L1CAM: variants seen among roughly 807,000 people sequenced by gnomAD.
L1CAM encodes L1 cell adhesion molecule.
L1CAM carries 8 observed loss-of-function variants against 93.0 expected under a neutral mutation model. The ratio of observed to expected loss-of-function variants is 0.09; its 90% CI spans 0.05 to 0.16. The LOEUF (loss-of-function observed/expected upper bound fraction) is 0.16. Among genes scored for constraint, L1CAM ranks in the 10% least tolerant of loss-of-function variants. The pLI is 1.00. For missense variants in L1CAM, 777 were observed against 1,073.4 expected (o/e 0.72, Z 3.86); for synonymous variants, 453 against 453.0 (o/e 1.00, Z 0.00).
rs782651702 is a variant in L1CAM at position 153,870,968 on chromosome X, G to A, written c.524-8C>T. On this transcript the variant is annotated splice_polypyrimidine_tract_variant and splice_region_variant and intron_variant, in intron 6 of 28. Transcript: ENST00000370060. ...GCTTGATGTGCAAGATCTCTGCAGGGGGCAAGGAGGCCGAAGTCATGACCC... is the reference window on the plus strand; with the variant it reads ...GCTTGATGTGCAAGATCTCTGCAGGAGGCAAGGAGGCCGAAGTCATGACCC... 17 of 1,208,694 alleles carry A rather than the reference G, an allele frequency of 1.4e-5. No individual in the cohort carries two copies. In the African/African-American group the frequency reaches 2.6e-4, roughly 19 times the overall value.
chrX:153,876,407 AGT>A, intron 1 of L1CAM: 1 of 157,238 alleles, frequency 6.4e-6, no homozygotes. Context: ...TGGGTGTGTT[AGT>A]GTGTGTGCCT....
chrX:153,867,438 G>A lies in L1CAM; in HGVS notation c.2055C>T (p.Tyr685=), dbSNP rs1281912750. 1 of 1,207,120 alleles carries A rather than the reference G, an allele frequency of 8.3e-7. No individual in the cohort carries two copies. Among genetic ancestry groups the A allele is most frequent in the African/African-American group, 1.7e-5 (1 of 57,223 alleles). The part of the protein sequence containing the change: ...TTLKLSPYVH[Y]TFRVTAINKY... Reference sequence around the variant, plus strand: ...TGTTTATGGCAGTAACCCTAAAGGTGTAGTGGACATAGGGCGACAGCTTGA... The same window carrying A: ...TGTTTATGGCAGTAACCCTAAAGGTATAGTGGACATAGGGCGACAGCTTGA... Residue 685 remains tyrosine, a synonymous_variant, in exon 17 of 29, where the codon TAC becomes TAT. Transcript: ENST00000370060.
At chrX:153,873,099 C>A (rs2064786970) in intron 3 of L1CAM, 129 bp downstream of exon 3, 1 of 652,952 alleles carries the variant, frequency 1.5e-6, no homozygotes, top group Non-Finnish European at 2.6e-6. Context: ...GTGAGAGAAG[C>A]ACATGGTGCT....
chrX:153,872,165 C>G lies in L1CAM; in HGVS notation c.387G>C (p.Arg129=). 8.3e-6 allele frequency: 10 copies of G among 1,207,686 alleles called. No homozygotes were observed. The highest frequency in any genetic ancestry group is 1.0e-5 in the Non-Finnish European group (9 of 892,530). The change falls in exon 5 of 29, where the codon CGG becomes CGC. Residue 129 remains arginine (R), a synonymous_variant. Transcript: ENST00000370060. ...AGCGCCTCGCACCCTCGGCCATGAG[C>G]CGGATCTCATGGGACATGGCGGTGC... The part of the protein sequence containing the change: ...KLGTAMSHEI[R]LMAEGAPKWP...
intron 1 of L1CAM, among the ~76,000 whole-genome samples, chrX:153,879,206 AGAGT>A (rs1249938139): frequency 1.8e-5 from 2 of 110,480 alleles, no homozygotes; most frequent in Non-Finnish European, 3.8e-5. Flanking sequence ...GGTGACAGAC[AGAGT>A]GAGAAGAGGC....
At chrX:153,863,210 G>T (rs1404862288) in intron 28 of L1CAM, among the ~76,000 whole-genome samples, 158 bp downstream of exon 28, 1 of 111,843 alleles carries the variant, frequency 8.9e-6, no homozygotes, top group Non-Finnish European at 1.9e-5. Context: ...GGGCTGGGGC[G>T]TGTTGGCCTC....
At chrX:153,866,545 T>A in intron 19 of L1CAM, 104 bp downstream of exon 19, 3 of 567,146 alleles carry the variant, frequency 5.3e-6, no homozygotes, top group Non-Finnish European at 8.9e-6. Context: ...GAGAATATCC[T>A]CATCCTTAGG....
chrX:153,864,241 G>A lies in L1CAM; in HGVS notation c.3322+81C>T, dbSNP rs782651520. 3.7e-6 allele frequency: 4 copies of A among 1,095,344 alleles called. No homozygotes were observed. In the African/African-American group the frequency reaches 7.2e-5, roughly 20 times the overall value. 90.3% of individuals were successfully genotyped at this position (1,095,344 alleles called of 1,213,427 possible). On this transcript the variant is annotated intron_variant, in intron 25 of 28. Coordinates refer to ENST00000370060, the MANE Select transcript of L1CAM (RefSeq NM_001278116.2). ...CGTGGAGGGAGCCTGGGCAGTAGTG[G>A]CCATTCAGGGGACAGAAGGACATGA...
At chrX:153,871,574 G>A (rs1285646981) in intron 5 of L1CAM, among the ~76,000 whole-genome samples, 8 of 109,610 alleles carry the variant, frequency 7.3e-5, no homozygotes, top group South Asian at 4.0e-4. Context: ...CCATGGCAAC[G>A]GTTCCCAAGG....
In L1CAM at chrX:153,870,458, T is replaced by C. The variant is rs369976661; in HGVS notation, c.736A>G (p.Thr246Ala). The change falls in exon 8 of 29, where the codon ACC becomes GCC. Residue 246 changes from threonine to alanine, a missense_variant. Thr to Ala is a moderately conservative substitution (Grantham distance 58). Around this residue, in one of 5 missense-constraint regions of L1CAM, gnomAD observed 574 missense variants for 781.0 expected, o/e 0.73. Transcript: ENST00000370060. ...GCCACCAGGTGGCTGCTGGAGTTGG[T>C]GGGGAAGAGCAGGCGCGGCTTCCTG... ...IDRKPRLLFP[T>A]NSSSHLVALQ... 16 of 1,210,264 alleles carry C rather than the reference T, an allele frequency of 1.3e-5. No homozygotes were observed. The highest frequency in any genetic ancestry group is 1.7e-5 in the Non-Finnish European group (15 of 895,035).
rs782529935 is a variant in L1CAM, at chrX:153,869,419, C to A, written c.1267+101G>T. ...AAAGGTCGGCGCCAGCCTGGTAGGC[C>A]GAGGACACATCAGCTGCCAGCTGAG... is the stretch of plus-strand genomic sequence containing the variant. On this transcript the variant is annotated intron_variant, in intron 11 of 28. Coordinates refer to ENST00000370060, the MANE Select transcript of L1CAM (RefSeq NM_001278116.2). The A allele has an allele frequency of 9.1e-6, 9 of 989,334 alleles. No individual in the cohort carries two copies. The Admixed American group carries it at 2.1e-4, about 24-fold the overall frequency. The allele number at this position is 989,334 out of a possible 1,213,427, so 81.5% of individuals were successfully genotyped here. A position where few individuals can be genotyped will look rare whatever the true frequency, so the allele number is the denominator to read the frequency against.
At chrX:153,875,323 C>G (rs1186627999) in intron 2 of L1CAM, among the ~76,000 whole-genome samples, 1 of 111,916 alleles carries the variant, frequency 8.9e-6, no homozygotes, top group Non-Finnish European at 1.9e-5. Context: ...GAAATGGGGA[C>G]AAGACTTGAA....
At chrX:153,865,627 G>T (rs1214116908) in intron 20 of L1CAM, 77 bp downstream of exon 20, 69 of 1,007,256 alleles carry the variant, frequency 6.9e-5, no homozygotes, top group Non-Finnish European at 9.2e-5. Context: ...CGGCTGGCAG[G>T]TGGCAAAGCC....
rs1172145251 is a variant in L1CAM at position 153,872,359 on chromosome X, G to A, written c.198-5C>T. 2 of 1,204,957 alleles carry A rather than the reference G, an allele frequency of 1.7e-6. No homozygotes were observed. The highest frequency in any genetic ancestry group is 3.6e-5 in the African/African-American group (2 of 56,092). On this transcript the variant is annotated splice_polypyrimidine_tract_variant and splice_region_variant and intron_variant, in intron 4 of 28. Transcript: ENST00000370060. ...CCATCCCTCGTCCAGCGGAACCTGT[G>A]GGCGGAAAAAGGCCCAGAGGCCTGA...
Position 153,865,043 on chromosome X carries a change from C to A in L1CAM, c.2872+45G>T, listed in dbSNP as rs782817224. 35 of 1,210,774 alleles carry A rather than the reference C, an allele frequency of 2.9e-5. No individual in the cohort carries two copies. In the East Asian group the frequency reaches 1.0e-3, roughly 35 times the overall value. On this transcript the variant is annotated intron_variant, in intron 22 of 28. Coordinates refer to ENST00000370060, the MANE Select transcript of L1CAM (RefSeq NM_001278116.2). ...CTGTGGCTGCAGCTCTGCCCCCTCC[C>A]CGTGGCCCCTCCACCTCCCTTCCCT...
At chrX:153,869,002 T>A (rs782302024) in intron 11 of L1CAM, 50 bp from the exon 12 acceptor site, 1 of 1,034,412 alleles carries the variant, frequency 9.7e-7, no homozygotes, top group Non-Finnish European at 1.4e-6. Flanking sequence ...GGACCACAGC[T>A]GGGCCAGGAG....
rs1358848849 is a variant in L1CAM, at chrX:153,871,171, T to G, written c.409A>C (p.Lys137Gln). The change falls in exon 6 of 29, where the codon AAG becomes CAG. Residue 137 changes from lysine (K) to glutamine (Q), a missense_variant. Transcript: ENST00000370060. Reference sequence around the variant, plus strand: ...GGCTTCACTGTCTCCTTTGGCCACTTGGGGGCACCTAGAAGGGACAGACGG... The same window carrying G: ...GGCTTCACTGTCTCCTTTGGCCACTGGGGGGCACCTAGAAGGGACAGACGG... ...EIRLMAEGAP[K>Q]WPKETVKPVE... 4.1e-5 allele frequency: 45 copies of G among 1,098,600 alleles called. 1 individual carries two copies. Among genetic ancestry groups the G allele is most frequent in the Non-Finnish European group, 5.1e-5 (42 of 828,045 alleles). The allele number at this position is 1,098,600 out of a possible 1,213,427, so 90.5% of individuals were successfully genotyped here. A position where few individuals can be genotyped will look rare whatever the true frequency, so the allele number is the denominator to read the frequency against.
At chrX:153,874,019 G>C (rs1569544953) in intron 2 of L1CAM, among the ~76,000 whole-genome samples, 1 of 112,842 alleles carries the variant, frequency 8.9e-6, no homozygotes, top group Non-Finnish European at 1.9e-5. Context: ...AGGGAGGGAG[G>C]AGGGGGCTCC....
rs200497143 is a variant in L1CAM at position 153,870,370 on chromosome X, C to A, written c.806+18G>T. 1 of 1,203,525 alleles carries A rather than the reference C, an allele frequency of 8.3e-7. No individual in the cohort carries two copies. Among genetic ancestry groups the A allele is most frequent in the South Asian group, 1.8e-5 (1 of 56,840 alleles). ...CCACCCTGCCCTGCCCTGCCCTGCC[C>A]TGGGTTCCCAGACTCACAAGCCCTC... On this transcript the variant is annotated intron_variant, in intron 8 of 28. Transcript: ENST00000370060.
Sources: allele counts gnomAD v4.1 joint callset (sites outside exome capture counted in the v4.1 genomes callset), GRCh38; gene constraint gnomAD v4.1.1; regional missense constraint gnomAD v4.1.1; transcripts MANE v1.5; gene names NCBI Gene and HGNC (gene_info 2026-07-23, HGNC 2026-07-21).